Variants in PTN observed in about 807,000 individuals in gnomAD.
PTN encodes the protein heparin affin regulatory protein.
PTN carries 18 observed loss-of-function variants against 24.1 expected under a neutral mutation model. That is an observed-to-expected ratio of 0.75 (90% CI 0.52 to 1.11). The LOEUF (loss-of-function observed/expected upper bound fraction) is 1.11, where lower values mean the gene tolerates loss of function less well. Ranked by LOEUF, PTN falls within the 50% of genes least tolerant of loss-of-function variation. The pLI is 0.00. For synonymous variants in PTN, 78 were observed against 68.6 expected (o/e 1.14, Z -0.67); for missense variants, 163 against 198.8 (o/e 0.82, Z 1.08).
chr7:137,326,862 G>A (rs759539403), intron 1 of PTN: 17 of 152,146 alleles, frequency 1.1e-4, no homozygotes, highest in Non-Finnish European at 2.5e-4. Context: ...AACAGGGACT[G>A]TGTCATATTC....
intron 1 of PTN, among the ~76,000 whole-genome samples, chr7:137,337,262 G>A (rs1562975273): frequency 1.3e-5 from 2 of 152,102 alleles, no homozygotes; most frequent in African/African-American, 4.8e-5. Flanking sequence ...GAGACAAATG[G>A]GAGATAAAAT....
At chr7:137,231,016 T>C (rs1808418280) in intron 4 of PTN, among the ~76,000 whole-genome samples, 1 of 151,862 alleles carries the variant, frequency 6.6e-6, no homozygotes, top group Non-Finnish European at 1.5e-5. Flanking sequence ...GGTACCAGCA[T>C]TGACATCACT....
At chr7:137,329,533 A>T (rs1311713312) in intron 1 of PTN, among the ~76,000 whole-genome samples, 1 of 152,188 alleles carries the variant, frequency 6.6e-6, no homozygotes, top group Non-Finnish European at 1.5e-5. Context: ...GTACCTGAGC[A>T]CTGATGAGGG....
At chr7:137,286,738 G>A (rs911349157) in intron 1 of PTN, among the ~76,000 whole-genome samples, 9 of 152,128 alleles carry the variant, frequency 5.9e-5, no homozygotes, top group African/African-American at 1.9e-4. Context: ...ATATTTGGAA[G>A]AATAGTTTCA....
At position 137,284,043 on chromosome 7, in the gene PTN, T is replaced by G. The variant is rs1024719167; in HGVS notation, c.-1-29069A>C. Among the ~76,000 whole-genome samples the G allele has an allele frequency of 8.7e-4, 115 of 132,374 alleles. 1 individual carries two copies. The highest frequency in any genetic ancestry group is 4.7e-5 in the Non-Finnish European group (3 of 64,404). The allele number at this position is 132,374 out of a possible 152,430, so 86.8% of individuals were successfully genotyped here. A position where few individuals can be genotyped will look rare whatever the true frequency, so the allele number is the denominator to read the frequency against. Reference sequence around the variant, plus strand: ...GTGCAGTGGCGAGATCTCGGCTCACTGCAAGCTCCGCCTCCCGGGTTGACG... The same window carrying G: ...GTGCAGTGGCGAGATCTCGGCTCACGGCAAGCTCCGCCTCCCGGGTTGACG... On this transcript the variant is annotated intron_variant, in intron 1 of 4. Transcript: ENST00000348225.
rs764641406 is a variant in PTN at position 137,239,013 on chromosome 7, T to C, written c.452-10938A>G. ...AGTACTAATTACTCTATAGCTGTTT[T>C]GTGAGTACACAGCTAATGACCCTCT... On this transcript the variant is annotated intron_variant, in intron 4 of 4. Coordinates refer to ENST00000348225, the MANE Select transcript of PTN (RefSeq NM_002825.7). 2.2e-4 allele frequency among the ~76,000 whole-genome samples: 33 copies of C among 152,230 alleles called. 1 individual carries two copies. Among genetic ancestry groups the C allele is most frequent in the Admixed American group, 5.2e-4 (8 of 15,284 alleles).
intron 1 of PTN, among the ~76,000 whole-genome samples, chr7:137,307,609 AT>A (rs1563219240): frequency 6.6e-6 from 1 of 152,108 alleles, no homozygotes; most frequent in Non-Finnish European, 1.5e-5. Context: ...CTATATATAT[AT>A]ATGTATTTAA....
At chr7:137,327,116 G>C (rs1459918538) in intron 1 of PTN, among the ~76,000 whole-genome samples, 3 of 152,114 alleles carry the variant, frequency 2.0e-5, no homozygotes, top group South Asian at 2.1e-4. Flanking sequence ...GAATGTAAAA[G>C]GATCAAGGGG....
chr7:137,318,284 A>C (rs1810106395), intron 1 of PTN, among the ~76,000 whole-genome samples: 1 of 152,206 alleles, frequency 6.6e-6, no homozygotes, highest in Non-Finnish European at 1.5e-5. Context: ...GATAAATAAA[A>C]GAGTAATCTA....
At chr7:137,335,438 T>G (rs1242251864) in intron 1 of PTN, among the ~76,000 whole-genome samples, 2 of 152,136 alleles carry the variant, frequency 1.3e-5, no homozygotes, top group Non-Finnish European at 2.9e-5. Flanking sequence ...ACATTGTAAA[T>G]ATTATTTGGT....
intron 1 of PTN, among the ~76,000 whole-genome samples, chr7:137,263,630 T>C (rs1262026660): frequency 6.6e-6 from 1 of 152,214 alleles, no homozygotes; most frequent in Non-Finnish European, 1.5e-5. Context: ...TATAATATTG[T>C]ATGATTTGCT....
chr7:137,282,906 ATAT>A (rs1049368944), intron 1 of PTN, among the ~76,000 whole-genome samples: 3 of 152,222 alleles, frequency 2.0e-5, no homozygotes, highest in African/African-American at 4.8e-5. Context: ...CCCACAAAAA[ATAT>A]TAGAAGTCCT....
intron 4 of PTN, among the ~76,000 whole-genome samples, chr7:137,233,780 C>A (rs1486931636): frequency 6.6e-6 from 1 of 151,648 alleles, no homozygotes; most frequent in African/African-American, 2.4e-5. Flanking sequence ...TAGATTTACC[C>A]TGAAGGAAAA....
chr7:137,318,252 T>C (rs1406387232), intron 1 of PTN, among the ~76,000 whole-genome samples: 1 of 152,068 alleles, frequency 6.6e-6, no homozygotes, highest in Non-Finnish European at 1.5e-5. Context: ...CGGGCAACAG[T>C]GTGAGACTCG....
chr7:137,259,639 C>T (rs955553883), intron 1 of PTN, among the ~76,000 whole-genome samples: 1 of 151,116 alleles, frequency 6.6e-6, no homozygotes, highest in Non-Finnish European at 1.5e-5. Context: ...AAGCATTATA[C>T]TTTGTTTTAT....
At chr7:137,254,037 T>G (rs1038779206) in intron 2 of PTN, among the ~76,000 whole-genome samples, 2 of 152,134 alleles carry the variant, frequency 1.3e-5, no homozygotes, top group African/African-American at 4.8e-5. Flanking sequence ...AAGTGGCTCA[T>G]GCCTGTAATC....
chr7:137,284,780 A>G (rs1809528171), intron 1 of PTN, among the ~76,000 whole-genome samples: 1 of 152,208 alleles, frequency 6.6e-6, no homozygotes, highest in African/African-American at 2.4e-5. Flanking sequence ...TGTTCCGTAA[A>G]GACTTAATAA....
chr7:137,313,108 C>A (rs912673890), intron 1 of PTN, among the ~76,000 whole-genome samples: 3 of 151,878 alleles, frequency 2.0e-5, no homozygotes, highest in African/African-American at 7.3e-5. Context: ...TGAAACTGAG[C>A]CCTCCTGGCA....
chr7:137,311,970 C>G (rs1456152412), intron 1 of PTN, among the ~76,000 whole-genome samples: 1 of 128,298 alleles, frequency 7.8e-6, no homozygotes, highest in Non-Finnish European at 1.5e-5. Flanking sequence ...TATGCAATCT[C>G]TGAGAAGCAC....
Sources: gnomAD v4.1 joint callset for allele counts (sites outside exome capture counted in the v4.1 genomes callset) on GRCh38, gnomAD v4.1.1 for gene constraint, MANE v1.5 for transcripts, NCBI Gene and HGNC (gene_info 2026-07-23, HGNC 2026-07-21) for gene names.